MAPK4: variants seen among roughly 807,000 people sequenced by gnomAD.
MAPK4 encodes Erk3-related.
MAPK4 carries 22 observed loss-of-function variants against 47.7 expected under a neutral mutation model. The ratio of observed to expected loss-of-function variants is 0.46; its 90% CI spans 0.33 to 0.66. The LOEUF (loss-of-function observed/expected upper bound fraction) is 0.66, where lower values mean the gene tolerates loss of function less well. Among genes scored for constraint, MAPK4 ranks in the 30% least tolerant of loss-of-function variants. The pLI is 0.02. For missense variants in MAPK4, 736 were observed against 831.7 expected (o/e 0.88, Z 1.42); for synonymous variants, 390 against 365.7 (o/e 1.07, Z -0.76).
intron 1 of MAPK4, among the ~76,000 whole-genome samples, chr18:50,651,515 G>C (rs1314115512): frequency 6.6e-6 from 1 of 152,220 alleles, no homozygotes; most frequent in Non-Finnish European, 1.5e-5. Flanking sequence ...AAGTGCAAAA[G>C]CAAGTGTACA....
chr18:50,665,148 G>T (rs1318806224), intron 2 of MAPK4, among the ~76,000 whole-genome samples: 1 of 152,206 alleles, frequency 6.6e-6, no homozygotes. Flanking sequence ...CCCGTGGTGG[G>T]TGCTAAATGC....
intron 1 of MAPK4, among the ~76,000 whole-genome samples, chr18:50,655,618 C>T (rs903007203): frequency 6.6e-5 from 10 of 152,128 alleles, no homozygotes; most frequent in Admixed American, 6.5e-4. Context: ...GTTGTTTCTC[C>T]TAATTCCTGG....
At chr18:50,662,738 C>T (rs1041180041) in intron 1 of MAPK4, among the ~76,000 whole-genome samples, 9 of 152,218 alleles carry the variant, frequency 5.9e-5, no homozygotes, top group Non-Finnish European at 8.8e-5. Context: ...TCCTAGCTAG[C>T]GCTGATGTGT....
chr18:50,680,557 T>A (rs1908534224), intron 2 of MAPK4, among the ~76,000 whole-genome samples: 2 of 151,650 alleles, frequency 1.3e-5, no homozygotes, highest in Admixed American at 1.3e-4. Context: ...CATCATCCCA[T>A]CCCCCTTCAG....
intron 2 of MAPK4, among the ~76,000 whole-genome samples, chr18:50,697,271 C>A (rs998705679): frequency 3.3e-5 from 5 of 152,216 alleles, no homozygotes; most frequent in African/African-American, 1.2e-4. Flanking sequence ...TGACTTTACT[C>A]ATCTGTAAAA....
At position 50,586,746 on chromosome 18, in the gene MAPK4, T is replaced by A. The variant is rs1279287948; in HGVS notation, c.-871+26503T>A. Among the ~76,000 whole-genome samples, 5 of 152,068 alleles carry A rather than the reference T, an allele frequency of 3.3e-5. No homozygotes were observed. In the East Asian group the frequency reaches 9.7e-4, roughly 29 times the overall value. Reference sequence around the variant, plus strand: ...TACCTGTGTAGAAAATAAAAAAGGGTCTTTTTTCCTACTGATCCAGGGCAA... The same window carrying A: ...TACCTGTGTAGAAAATAAAAAAGGGACTTTTTTCCTACTGATCCAGGGCAA... On this transcript the variant is annotated intron_variant, in intron 1 of 5. Coordinates refer to ENST00000400384, the MANE Select transcript of MAPK4 (RefSeq NM_002747.4).
intron 1 of MAPK4, chr18:50,629,345 CA>C (rs2042808845): frequency 6.6e-6 from 1 of 152,240 alleles, no homozygotes; most frequent in Non-Finnish European, 1.5e-5. Flanking sequence ...GATTAAGTTA[CA>C]CGCATTAGTT....
In MAPK4 at chr18:50,729,521, G is replaced by A. The variant is rs1164497404; in HGVS notation, c.1431G>A (p.Ala477=). Residue 477 remains alanine (A), a synonymous_variant, in exon 6 of 6, where the codon GCG becomes GCA. Transcript: ENST00000400384. ...CGCCCCCCACGGCCACGGGGCTGGCGGACACGGGGGCGCGCGAGGACGAGC... is the reference window on the plus strand; with the variant it reads ...CGCCCCCCACGGCCACGGGGCTGGCAGACACGGGGGCGCGCGAGGACGAGC... ...AGAPPTATGL[A]DTGAREDEPA... 2.1e-6 allele frequency: 3 copies of A among 1,437,536 alleles called. No homozygotes were observed. The highest frequency in any genetic ancestry group is 3.0e-5 in the South Asian group (2 of 66,970). The allele number at this position is 1,437,536 out of a possible 1,614,324, so 89.0% of individuals were successfully genotyped here.
chr18:50,559,947 CG>C (rs1172067233), upstream of MAPK4: 3 of 150,528 alleles, frequency 2.0e-5, no homozygotes, highest in African/African-American at 7.3e-5. Flanking sequence ...GGGAGACTGC[CG>C]CCCCCGGGCG....
intron 2 of MAPK4, among the ~76,000 whole-genome samples, chr18:50,681,223 A>G (rs1182131129): frequency 6.6e-6 from 1 of 152,162 alleles, no homozygotes; most frequent in African/African-American, 2.4e-5. Flanking sequence ...AGAACTGTCT[A>G]TTTAGACCCT....
At chr18:50,560,029 T>C (rs867073068), upstream of MAPK4, 1,323 of 148,090 alleles carry the variant, frequency 8.9e-3, 13 homozygotes, top group Middle Eastern at 0.017. Context: ...GGGGCCCGGC[T>C]CTGGGCGGAG....
intron 2 of MAPK4, among the ~76,000 whole-genome samples, chr18:50,672,898 G>A (rs570678984): frequency 9.2e-5 from 14 of 152,334 alleles, no homozygotes; most frequent in Admixed American, 3.3e-4. Context: ...CATCAGCCAC[G>A]CTGTGCTGCT....
chr18:50,678,881 C>T lies in MAPK4; in HGVS notation c.546+14377C>T, dbSNP rs777511150. Among the ~76,000 whole-genome samples the T allele has an allele frequency of 3.9e-5, 6 of 152,134 alleles. No homozygotes were observed. Among genetic ancestry groups the T allele is most frequent in the Non-Finnish European group, 7.3e-5 (5 of 68,038 alleles). ...CACCTTTGGCTTTCAGATGACACGG[C>T]CAGCAGGTTTTCTGGGGTATGGGAG... On this transcript the variant is annotated intron_variant, in intron 2 of 5. Coordinates refer to ENST00000400384, the MANE Select transcript of MAPK4 (RefSeq NM_002747.4). The surrounding 1 kb of genome is among the most constrained non-coding windows in gnomAD (Gnocchi z 4.2).
intron 1 of MAPK4, among the ~76,000 whole-genome samples, chr18:50,600,466 G>C (rs2042525680): frequency 6.6e-6 from 1 of 152,140 alleles, no homozygotes; most frequent in South Asian, 2.1e-4. Context: ...GGGGGCTTCT[G>C]AGAAATTTTT....
chr18:50,635,922 G>A (rs969685492), intron 1 of MAPK4, among the ~76,000 whole-genome samples: 3 of 152,112 alleles, frequency 2.0e-5, no homozygotes, highest in African/African-American at 7.2e-5. Context: ...CCATGGTGTG[G>A]TCCACTAGGC....
chr18:50,681,942 A>G lies in MAPK4; in HGVS notation c.546+17438A>G, dbSNP rs375512000. ...GCTATAATGAGTGAACCTTGAAACC[A>G]TTATCCTAAGTGAAAGAAGCCAGTC... On this transcript the variant is annotated intron_variant, in intron 2 of 5. Transcript: ENST00000400384. Among the ~76,000 whole-genome samples the G allele has an allele frequency of 3.4e-4, 52 of 152,322 alleles. No individual in the cohort carries two copies. The East Asian group carries it at 8.3e-3, about 24-fold the overall frequency.
At chr18:50,637,893 T>A (rs776974185) in intron 1 of MAPK4, among the ~76,000 whole-genome samples, 2 of 152,266 alleles carry the variant, frequency 1.3e-5, no homozygotes, top group Non-Finnish European at 2.9e-5. Context: ...CCTACCCCGA[T>A]GACTTCATTT....
chr18:50,592,421 C>G lies in MAPK4; in HGVS notation c.-871+32178C>G, dbSNP rs79452990. Among the ~76,000 whole-genome samples the G allele has an allele frequency of 3.5e-4, 54 of 152,282 alleles. 1 individual carries two copies. The South Asian group carries it at 0.011, about 30-fold the overall frequency. On this transcript the variant is annotated intron_variant, in intron 1 of 5. Coordinates refer to ENST00000400384, the MANE Select transcript of MAPK4 (RefSeq NM_002747.4). Reference sequence around the variant, plus strand: ...TTCTCTCTGTTAGAACAAAGCCATTCCCCCTCGCTAGGATCTTTGATAGAT... The same window carrying G: ...TTCTCTCTGTTAGAACAAAGCCATTGCCCCTCGCTAGGATCTTTGATAGAT...
intron 1 of MAPK4, among the ~76,000 whole-genome samples, chr18:50,603,362 G>A (rs929064974): frequency 1.3e-5 from 2 of 152,166 alleles, no homozygotes; most frequent in Non-Finnish European, 2.9e-5. Flanking sequence ...TTGGTTAAGG[G>A]ACATCCACAT....
Sources: gnomAD v4.1 joint callset for allele counts (sites outside exome capture counted in the v4.1 genomes callset) on GRCh38, gnomAD v4.1.1 for gene constraint, Gnocchi (gnomAD v3.1) non-coding constraint, MANE v1.5 for transcripts, NCBI Gene and HGNC (gene_info 2026-07-23, HGNC 2026-07-21) for gene names.